USH2A: variants seen among roughly 807,000 people sequenced by gnomAD.
The protein encoded by USH2A is Usher syndrome 2A (autosomal recessive, mild).
In USH2A, 443 loss-of-function variants were observed where a neutral mutation model predicts 538.9. The ratio of observed to expected loss-of-function variants is 0.82; its 90% CI spans 0.76 to 0.89. The LOEUF is 0.89. Ranked by LOEUF, USH2A falls within the 40% of genes least tolerant of loss-of-function variation. The probability of loss-of-function intolerance (pLI) is 0.00; values close to 1 mark genes in which losing one functional copy is unlikely to be tolerated. For missense variants in USH2A, 6,633 were observed against 6,324.8 expected (o/e 1.05, Z -1.65); for synonymous variants, 2,413 against 2,273.5 (o/e 1.06, Z -1.75).
intron 32 of USH2A, among the ~76,000 whole-genome samples, chr1:216,023,464 A>AAAAAAAAAAAAAAAAAAAAAAAAAAAAAT: frequency 9.9e-6 from 1 of 100,714 alleles, no homozygotes; most frequent in Admixed American, 9.6e-5. Context: ...GCAGACAAAA[A>AAAAAAAAAAAAAAAAAAAAAAAAAAAAAT]AAAAAAAAAA....
chr1:216,317,475 C>T (rs1190603923), intron 9 of USH2A, among the ~76,000 whole-genome samples: 1 of 151,958 alleles, frequency 6.6e-6, no homozygotes, highest in Admixed American at 6.6e-5. Context: ...AGGGGATGAT[C>T]TATGCAACAA....
At chr1:216,318,928 T>C (rs922254870) in intron 9 of USH2A, among the ~76,000 whole-genome samples, 1 of 151,912 alleles carries the variant, frequency 6.6e-6, no homozygotes, top group African/African-American at 2.4e-5. Flanking sequence ...AATCAGAAAA[T>C]ATCCAACACT....
At chr1:216,075,857 TA>T (rs57104827) in intron 27 of USH2A, among the ~76,000 whole-genome samples, 23,114 of 149,084 alleles carry the variant, frequency 0.16, 1,962 homozygotes, top group African/African-American at 0.19. Context: ...GTTAGTAGAT[TA>T]AAAAAAAAAT....
chr1:216,147,322 C>T (rs902984072), intron 21 of USH2A, among the ~76,000 whole-genome samples: 25 of 152,134 alleles, frequency 1.6e-4, no homozygotes, highest in African/African-American at 5.3e-4. Flanking sequence ...ACACCTGGTC[C>T]GGCTTACAGT....
chr1:216,398,581 A>T (rs2102757071), intron 3 of USH2A, among the ~76,000 whole-genome samples: 1 of 150,826 alleles, frequency 6.6e-6, no homozygotes, highest in Non-Finnish European at 1.5e-5. Context: ...CTCTCCCCAC[A>T]CACACTCACA....
At chr1:215,998,525 T>A (rs1321570590) in intron 34 of USH2A, among the ~76,000 whole-genome samples, 2 of 152,238 alleles carry the variant, frequency 1.3e-5, no homozygotes, top group South Asian at 4.1e-4. Flanking sequence ...GCATTGTTTT[T>A]TAAATGAATA....
Position 216,247,413 on chromosome 1 carries a change from A to T in USH2A, c.2168-187T>A, listed in dbSNP as rs75295533. Among the ~76,000 whole-genome samples, 1,502 of 152,310 alleles carry T rather than the reference A, an allele frequency of 9.9e-3. 22 individuals carry two copies. The highest frequency in any genetic ancestry group is 0.034 in the African/African-American group (1,408 of 41,566). On this transcript the variant is annotated intron_variant, in intron 12 of 71. Coordinates refer to ENST00000307340, the MANE Select transcript of USH2A (RefSeq NM_206933.4). The stretch of plus-strand genomic sequence containing the variant: ...ACAATATTTAATTTAGCTTTAATAT[A>T]CAACTGTTTGCGATGAACTTCATAA...
At position 215,746,167 on chromosome 1, in the gene USH2A, G is replaced by A. The variant is rs182758762; in HGVS notation, c.11390-2832C>T. Among the ~76,000 whole-genome samples, 347 of 152,276 alleles carry A rather than the reference G, an allele frequency of 2.3e-3. 1 individual carries two copies. The highest frequency in any genetic ancestry group is 3.0e-3 in the Non-Finnish European group (203 of 68,020). On this transcript the variant is annotated intron_variant, in intron 58 of 71. Coordinates refer to ENST00000307340, the MANE Select transcript of USH2A (RefSeq NM_206933.4). ...ATTTACACATTCTCCCCATGTCTGC[G>A]TGGTTTCTTTATGGGTACTCTGGAT...
chr1:215,912,459 A>ATATATATATACG (rs1558157791), intron 38 of USH2A, among the ~76,000 whole-genome samples: 1 of 30,578 alleles, frequency 3.3e-5, no homozygotes, highest in Non-Finnish European at 6.8e-5. Flanking sequence ...ATGTGTATAT[A>ATATATATATACG]TATATATATA....
At chr1:216,391,075 T>C (rs995652550) in intron 3 of USH2A, among the ~76,000 whole-genome samples, 1 of 152,196 alleles carries the variant, frequency 6.6e-6, no homozygotes, top group South Asian at 2.1e-4. Context: ...AAGCTCACTG[T>C]CAAGAATACG....
At chr1:216,123,262 CAGA>C (rs1190880190) in intron 21 of USH2A, among the ~76,000 whole-genome samples, 1 of 152,186 alleles carries the variant, frequency 6.6e-6, no homozygotes, top group Non-Finnish European at 1.5e-5. Context: ...GCAGAAAATA[CAGA>C]AGGATATTTT....
chr1:215,993,713 T>G (rs1425458606), intron 34 of USH2A, among the ~76,000 whole-genome samples: 1 of 152,226 alleles, frequency 6.6e-6, no homozygotes, highest in African/African-American at 2.4e-5. Flanking sequence ...AAAACAATGT[T>G]TCTCATAAAA....
At chr1:215,710,626 A>G (rs950822520) in intron 61 of USH2A, among the ~76,000 whole-genome samples, 1 of 152,166 alleles carries the variant, frequency 6.6e-6, no homozygotes, top group African/African-American at 2.4e-5. Flanking sequence ...GTTCAAAAAT[A>G]AAACTACTCC....
At chr1:215,866,816 T>C (rs1262585822) in intron 44 of USH2A, among the ~76,000 whole-genome samples, 191 bp downstream of exon 44, 2 of 152,206 alleles carry the variant, frequency 1.3e-5, no homozygotes, top group Non-Finnish European at 2.9e-5. Flanking sequence ...ATTTCTAATT[T>C]ATTTGGGTAC....
chr1:215,955,810 T>C (rs529415347), intron 37 of USH2A, among the ~76,000 whole-genome samples: 1 of 152,316 alleles, frequency 6.6e-6, no homozygotes, highest in South Asian at 2.1e-4. Flanking sequence ...GTTCTTGGTA[T>C]ATAGAACTAT....
At chr1:216,323,112 C>T (rs565677918) in intron 8 of USH2A, among the ~76,000 whole-genome samples, 4 of 151,914 alleles carry the variant, frequency 2.6e-5, no homozygotes, top group East Asian at 3.9e-4. Context: ...CATCTCTTTG[C>T]TTTTGAGAAT....
rs1485822127 is a variant in USH2A at position 216,217,489 on chromosome 1, C to G, written c.3055G>C (p.Gly1019Arg). Residue 1019 changes from glycine (G) to arginine (R), a missense_variant, in exon 15 of 72, where the codon GGC (glycine) becomes CGC (arginine). Transcript: ENST00000307340. ...ACAAATTGTTTACAGAAACACTGGC[C>G]TGTGACCAAGTGACAGGTTTCATTC... is the stretch of plus-strand genomic sequence containing the variant. ...ALNETCHLVT[G>R]QCFCKQFVTG... The G allele has an allele frequency of 6.2e-7, 1 of 1,613,258 alleles. No individual in the cohort carries two copies. Among genetic ancestry groups the G allele is most frequent in the Non-Finnish European group, 8.5e-7 (1 of 1,179,476 alleles).
At chr1:216,280,610 T>G (rs2036755638) in intron 11 of USH2A, among the ~76,000 whole-genome samples, 1 of 152,214 alleles carries the variant, frequency 6.6e-6, no homozygotes, top group Non-Finnish European at 1.5e-5. Context: ...ATGTTCTCTC[T>G]GTCTTGACTG....
intron 21 of USH2A, among the ~76,000 whole-genome samples, chr1:216,106,568 C>T (rs1384978636): frequency 2.7e-5 from 4 of 150,598 alleles, no homozygotes; most frequent in African/African-American, 9.8e-5. Context: ...TTCTCTCTCC[C>T]CCCTCCTTCT....
Sources: gnomAD v4.1 joint callset for allele counts (sites outside exome capture counted in the v4.1 genomes callset) on GRCh38, gnomAD v4.1.1 for gene constraint, MANE v1.5 for transcripts, NCBI Gene and HGNC (gene_info 2026-07-23, HGNC 2026-07-21) for gene names.